Variants in CACNG6 observed in about 807,000 individuals in gnomAD.
CACNG6 encodes the protein voltage-dependent calcium channel gamma-6 subunit.
Under a neutral mutation model 23.9 loss-of-function variants are expected in CACNG6, and 21 were observed. That is an observed-to-expected ratio of 0.88 (90% CI 0.62 to 1.26). The LOEUF is 1.26. CACNG6 is among the 50% of genes most tolerant of loss of function. CACNG6 has a pLI of 0.00. For missense variants in CACNG6, 340 were observed against 352.9 expected, an observed-to-expected ratio of 0.96 and a Z score of 0.29; for synonymous variants, 182 against 168.9, an observed-to-expected ratio of 1.08 and a Z score of -0.60.
intron 2 of CACNG6, 100 bp downstream of exon 2, chr19:53,998,413 G>C (rs760785839): frequency 4.7e-6 from 5 of 1,055,986 alleles, no homozygotes; most frequent in Non-Finnish European, 7.1e-6. Flanking sequence ...CTTTACCCCA[G>C]GGCAGGTCTC....
intron 3 of CACNG6, among the ~76,000 whole-genome samples, chr19:54,010,040 C>CTTTTTT (rs34229634): frequency 1.3e-4 from 16 of 125,344 alleles, no homozygotes; most frequent in Admixed American, 1.7e-4. Context: ...TCTTTTCTTT[C>CTTTTTT]TTTTTTTTTT....
chr19:53,993,331 C>A, intron 1 of CACNG6, 123 bp downstream of exon 1: 2 of 1,019,730 alleles, frequency 2.0e-6, no homozygotes, highest in Non-Finnish European at 2.8e-6. Context: ...GACAGCTTGC[C>A]TCGCAGTAAG....
intron 3 of CACNG6, among the ~76,000 whole-genome samples, chr19:54,007,046 G>GTTTGT (rs746805735): frequency 8.0e-5 from 12 of 150,352 alleles, no homozygotes; most frequent in Non-Finnish European, 1.3e-4. Flanking sequence ...GTGTGTGTGT[G>GTTTGT]TTTGTTTTGT....
intron 1 of CACNG6, among the ~76,000 whole-genome samples, chr19:53,995,812 C>T (rs1428322129): frequency 6.6e-6 from 1 of 152,220 alleles, no homozygotes; most frequent in East Asian, 1.9e-4. Flanking sequence ...CAGGCATGCA[C>T]CACAACATCC....
chr19:54,005,357 C>T (rs2069632021), intron 3 of CACNG6, among the ~76,000 whole-genome samples: 2 of 149,952 alleles, frequency 1.3e-5, no homozygotes, highest in Non-Finnish European at 1.5e-5. Context: ...CCCAGGAGTT[C>T]GAGACCAGCC....
intron 3 of CACNG6, among the ~76,000 whole-genome samples, chr19:54,000,434 T>G (rs540233267): frequency 3.9e-5 from 6 of 152,342 alleles, no homozygotes; most frequent in African/African-American, 1.4e-4. Context: ...CAAGGACTGT[T>G]GCATTCTTGG....
At chr19:54,011,552 C>T (rs1167710533) in intron 3 of CACNG6, among the ~76,000 whole-genome samples, 1 of 151,820 alleles carries the variant, frequency 6.6e-6, no homozygotes. Context: ...ATTCTATATC[C>T]GCCTTTTAAT....
chr19:53,995,607 G>A (rs114457104), intron 1 of CACNG6, among the ~76,000 whole-genome samples: 1,770 of 152,236 alleles, frequency 0.012, 39 homozygotes, highest in African/African-American at 0.04. Context: ...CGTGTTTCCC[G>A]CAATGACTGC....
rs535610546 is a variant in CACNG6, at chr19:54,007,623, G to C, written c.545-4328G>C. Among the ~76,000 whole-genome samples the C allele has an allele frequency of 8.3e-4, 127 of 152,314 alleles. 1 individual carries two copies. Among genetic ancestry groups the C allele is most frequent in the African/African-American group, 3.0e-3 (125 of 41,574 alleles). ...AAAGAATGCATGAATCAGGTCTGCTGTGGTGGCTCACACCTGGAATCCCAA... is the reference window on the plus strand; with the variant it reads ...AAAGAATGCATGAATCAGGTCTGCTCTGGTGGCTCACACCTGGAATCCCAA... On this transcript the variant is annotated intron_variant, in intron 3 of 3. Coordinates refer to ENST00000252729, the MANE Select transcript of CACNG6 (RefSeq NM_145814.2).
At chr19:54,004,035 T>C (rs1422494454) in intron 3 of CACNG6, among the ~76,000 whole-genome samples, 1 of 152,100 alleles carries the variant, frequency 6.6e-6, no homozygotes, top group Non-Finnish European at 1.5e-5. Context: ...TTTAAAATTA[T>C]TTGCAGAGAT....
chr19:53,992,187 C>G lies in CACNG6; in HGVS notation c.-691C>G, dbSNP rs897700767. 1 of 152,288 alleles carries G rather than the reference C, an allele frequency of 6.6e-6. No individual in the cohort carries two copies. Among genetic ancestry groups the G allele is most frequent in the Non-Finnish European group, 1.5e-5 (1 of 68,124 alleles). The allele number at this position is 152,288 out of a possible 1,614,324, so 9.4% of individuals were successfully genotyped here. ...TCTGTTCTTCTCCTTCTGTGGATGC[C>G]GGGGTCCTACTGCCTCTCTTGAGAC... On this transcript the variant is annotated 5_prime_UTR_variant, in exon 1 of 4. Transcript: ENST00000252729. This position sits in a 1 kb window ranked among gnomAD's most constrained non-coding sequence, Gnocchi z 4.1.
At position 54,012,155 on chromosome 19, in the gene CACNG6, C is replaced by A; in HGVS notation, c.749C>A (p.Ser250Tyr). Residue 250 changes from serine to tyrosine, a missense_variant, in exon 4 of 4, where the codon TCC becomes TAC. Coordinates refer to ENST00000252729, the MANE Select transcript of CACNG6 (RefSeq NM_145814.2). ...LLTLPSWPWG[S>Y]LCPKRGHRAT Reference sequence around the variant, plus strand: ...ACACTGCCTTCCTGGCCCTGGGGGTCCCTCTGTCCCAAGCGGGGGCACCGG... The same window carrying A: ...ACACTGCCTTCCTGGCCCTGGGGGTACCTCTGTCCCAAGCGGGGGCACCGG... 1 of 1,490,852 alleles carries A rather than the reference C, an allele frequency of 6.7e-7. No individual in the cohort carries two copies. Among genetic ancestry groups the A allele is most frequent in the Non-Finnish European group, 8.9e-7 (1 of 1,117,876 alleles). The allele number at this position is 1,490,852 out of a possible 1,614,324, so 92.4% of individuals were successfully genotyped here.
At chr19:54,008,213 C>A (rs958551537) in intron 3 of CACNG6, among the ~76,000 whole-genome samples, 1 of 151,884 alleles carries the variant, frequency 6.6e-6, no homozygotes, top group Non-Finnish European at 1.5e-5. Context: ...ATGAGCCAGG[C>A]GTGGTGGCAA....
At chr19:53,998,152 C>A in intron 1 of CACNG6, 87 bp from the exon 2 acceptor site, 2 of 1,154,430 alleles carry the variant, frequency 1.7e-6, no homozygotes, top group Non-Finnish European at 2.6e-6. Context: ...AAGTTTTAGG[C>A]TCCCGTGGGC....
At chr19:54,004,371 G>A (rs1036373319) in intron 3 of CACNG6, among the ~76,000 whole-genome samples, 1 of 146,044 alleles carries the variant, frequency 6.8e-6, no homozygotes, top group Non-Finnish European at 1.5e-5. Context: ...GTGTGTGTGT[G>A]TGTGTGTGTG....
intron 1 of CACNG6, among the ~76,000 whole-genome samples, chr19:53,997,410 A>G (rs536889629): frequency 6.6e-6 from 1 of 151,830 alleles, no homozygotes; most frequent in South Asian, 2.1e-4. Context: ...AAACATCTGC[A>G]TATATATTCC....
At chr19:53,994,200 A>G (rs1387929827) in intron 1 of CACNG6, among the ~76,000 whole-genome samples, 1 of 152,080 alleles carries the variant, frequency 6.6e-6, no homozygotes, top group Non-Finnish European at 1.5e-5. Context: ...AGCAGGATCT[A>G]TGCCTGTTCC....
intron 3 of CACNG6, among the ~76,000 whole-genome samples, chr19:54,000,408 T>G (rs1447575654): frequency 6.6e-6 from 1 of 152,202 alleles, no homozygotes; most frequent in Non-Finnish European, 1.5e-5. Flanking sequence ...CTTTTAGATT[T>G]GAGACTTGAG....
rs2069461515 is a variant in CACNG6, at chr19:53,991,707, G to T, written c.-1171G>T. 1.3e-5 allele frequency among the ~76,000 whole-genome samples: 2 copies of T among 152,032 alleles called. No homozygotes were observed. Among genetic ancestry groups the T allele is most frequent in the Admixed American group, 1.3e-4 (2 of 15,270 alleles). On this transcript the variant is annotated 5_prime_UTR_variant, in exon 1 of 4. Coordinates refer to ENST00000252729, the MANE Select transcript of CACNG6 (RefSeq NM_145814.2). The stretch of plus-strand genomic sequence containing the variant: ...GCGGAGCTGGGGTCGGCGCGGGGCC[G>T]AGGCAGGAGAGCGAGAGGGGCCCCT...
Sources: allele counts gnomAD v4.1 joint callset (sites outside exome capture counted in the v4.1 genomes callset), GRCh38; gene constraint gnomAD v4.1.1; non-coding constraint Gnocchi (gnomAD v3.1); transcripts MANE v1.5; gene names NCBI Gene and HGNC (gene_info 2026-07-23, HGNC 2026-07-21).